The following SCN1B variants were observed in gnomAD, a reference collection of about 807,000 sequenced individuals.
SCN1B encodes sodium voltage-gated channel beta subunit 1, also known as sodium channel regulatory subunit beta-1.
A neutral mutation model predicts 25.7 loss-of-function variants in SCN1B; 11 were observed. The ratio of observed to expected loss-of-function variants is 0.43; its 90% confidence interval spans 0.27 to 0.71. The LOEUF is 0.71. SCN1B is among the 30% of genes least tolerant of loss of function. The probability of loss-of-function intolerance (pLI) is 0.21; values close to 1 mark genes in which losing one functional copy is unlikely to be tolerated. For missense variants in SCN1B, 224 were observed against 291.5 expected (o/e 0.77, Z 1.69); for synonymous variants, 119 against 117.5 (o/e 1.01, Z -0.08).
rs1040023313 is a variant in SCN1B at position 35,033,996 on chromosome 19, G to C, written c.448+257G>C. 6 of 1,551,004 alleles carry C rather than the reference G, an allele frequency of 3.9e-6. 1 individual carries two copies. In the Admixed American group the frequency reaches 1.2e-4, roughly 30 times the overall value. On this transcript the variant is annotated intron_variant, in intron 3 of 5. Transcript: ENST00000262631. ...GGTACAGAACCCAGCTCTGTCACCT[G>C]TGCTGTATGACCTCTGGCAGGTGCC...
intron 4 of SCN1B, 80 bp from the exon 5 acceptor site, chr19:35,039,555 G>A: frequency 7.0e-7 from 1 of 1,429,096 alleles, no homozygotes; most frequent in Non-Finnish European, 9.9e-7. Context: ...CTGGGGTGGA[G>A]ACCGCTACCT....
In SCN1B at chr19:35,033,664, C is replaced by T. The variant is rs1135401736; in HGVS notation, c.373C>T (p.Arg125Cys). ...GGGCGACTACGAGTGCCACGTCTAC[C>T]GCCTGCTCTTCTTCGAAAACTACGA... ...HSGDYECHVY[R>C]LLFFENYEHN... Residue 125 changes from arginine (R) to cysteine (C), a missense_variant, in exon 3 of 6, where the codon CGC becomes TGC. Around this residue, in one of 3 missense-constraint regions of SCN1B, gnomAD observed 126 missense variants for 204.9 expected, o/e 0.61. Transcript: ENST00000262631. The T allele has an allele frequency of 1.9e-6, 3 of 1,614,064 alleles. No individual in the cohort carries two copies. The highest frequency in any genetic ancestry group is 1.7e-5 in the Admixed American group (1 of 60,004).
In SCN1B at chr19:35,033,850, C is replaced by T. The variant is rs758654948; in HGVS notation, c.448+111C>T. 84 of 1,611,426 alleles carry T rather than the reference C, an allele frequency of 5.2e-5. No individual in the cohort carries two copies. Among genetic ancestry groups the T allele is most frequent in the Non-Finnish European group, 6.3e-5 (74 of 1,178,592 alleles). Reference sequence around the variant, plus strand: ...CTGGCTCTGTGCCTGGCCAGCCAACCGCCCACAGCAGCGGGCTGAGGGGGA... The same window carrying T: ...CTGGCTCTGTGCCTGGCCAGCCAACTGCCCACAGCAGCGGGCTGAGGGGGA... On this transcript the variant is annotated intron_variant, in intron 3 of 5. Transcript: ENST00000262631.
At chr19:35,033,358 C>A in intron 2 of SCN1B, 141 bp from the exon 3 acceptor site, 1 of 1,526,832 alleles carries the variant, frequency 6.5e-7, no homozygotes, top group Non-Finnish European at 8.8e-7. Flanking sequence ...CCCCTGTGCC[C>A]TCCCTGCCTG....
chr19:35,032,731 G>A lies in SCN1B; in HGVS notation c.207+37G>A, dbSNP rs372912390. 14 of 1,609,264 alleles carry A rather than the reference G, an allele frequency of 8.7e-6. No homozygotes were observed. In the African/African-American group the frequency reaches 1.1e-4, roughly 12 times the overall value. On this transcript the variant is annotated intron_variant, in intron 2 of 5. Transcript: ENST00000262631. The surrounding 1 kb of genome is among the most constrained non-coding windows in gnomAD (Gnocchi z 4.3). ...CCGGGAACGGGCATGGGAGGGCAGG[G>A]GTCCACGAGTGGGAGGCGGTGGGGC...
intron 2 of SCN1B, 75 bp from the exon 3 acceptor site, chr19:35,033,424 A>G (rs1357156152): frequency 2.5e-6 from 4 of 1,605,994 alleles, no homozygotes; most frequent in Admixed American, 3.4e-5. Context: ...GTGTCAGGGC[A>G]GGGGACAGAA....
Position 35,039,211 on chromosome 19 carries a change from C to T in SCN1B, c.543C>T (p.Cys181=). The change falls in exon 4 of 6, where the codon TGC becomes TGT. Residue 181 remains cysteine, a synonymous_variant. Transcript: ENST00000262631. ...GGCTCGTGGCAGAGATGATTTACTG[C>T]TACAAGAAGATCGCTGCCGCCACGG... is the stretch of plus-strand genomic sequence containing the variant. ...TIWLVAEMIY[C]YKKIAAATET... 6.2e-7 allele frequency: 1 copy of T among 1,614,136 alleles called. No homozygotes were observed. Among genetic ancestry groups the T allele is most frequent in the Non-Finnish European group, 8.5e-7 (1 of 1,180,030 alleles).
In SCN1B at chr19:35,032,376, G is replaced by A; in HGVS notation, c.41-152G>A. Reference sequence around the variant, plus strand: ...ACTGAGACTCAGGGATGAATGACTTGCTGAGGTCACGCAGTGAGTGACAGG... The same window carrying A: ...ACTGAGACTCAGGGATGAATGACTTACTGAGGTCACGCAGTGAGTGACAGG... On this transcript the variant is annotated intron_variant, in intron 1 of 5. Transcript: ENST00000262631. This position sits in a 1 kb window ranked among gnomAD's most constrained non-coding sequence, Gnocchi z 4.3. The A allele has an allele frequency of 1.3e-6, 1 of 791,680 alleles. No homozygotes were observed. Among genetic ancestry groups the A allele is most frequent in the Non-Finnish European group, 2.1e-6 (1 of 485,016 alleles). 49.0% of individuals were successfully genotyped at this position (791,680 alleles called of 1,614,324 possible). A position where few individuals can be genotyped will look rare whatever the true frequency, so the allele number is the denominator to read the frequency against.
At chr19:35,031,788 T>C (rs1484619347) in intron 1 of SCN1B, 1 of 153,416 alleles carries the variant, frequency 6.5e-6, no homozygotes, top group Non-Finnish European at 1.4e-5. Context: ...CAGGTAAGAG[T>C]GTGAAGGAAT....
chr19:35,033,948 G>A, intron 3 of SCN1B: 1 of 1,554,976 alleles, frequency 6.4e-7, no homozygotes, highest in African/African-American at 1.4e-5. Flanking sequence ...GTCAAAGCAT[G>A]CCTGTCCCCC....
At position 35,033,680 on chromosome 19, in the gene SCN1B, A is replaced by C. The variant is rs1458465873; in HGVS notation, c.389A>C (p.Glu130Ala). ...ECHVYRLLFF[E>A]NYEHNTSVVK... ...CACGTCTACCGCCTGCTCTTCTTCG[A>C]AAACTACGAGCACAACACCAGCGTC... is the stretch of plus-strand genomic sequence containing the variant. The change falls in exon 3 of 6, where the codon GAA becomes GCA. Residue 130 changes from glutamate to alanine, a missense_variant. Around this residue, in one of 3 missense-constraint regions of SCN1B, gnomAD observed 126 missense variants for 204.9 expected, o/e 0.61. Coordinates refer to ENST00000262631, the MANE Select transcript of SCN1B (RefSeq NM_001037.5). 6.2e-7 allele frequency: 1 copy of C among 1,614,146 alleles called. No homozygotes were observed. Among genetic ancestry groups the C allele is most frequent in the Non-Finnish European group, 8.5e-7 (1 of 1,180,032 alleles).
intron 3 of SCN1B, chr19:35,035,879 T>C (rs975772772): frequency 2.0e-5 from 3 of 152,034 alleles, no homozygotes; most frequent in Non-Finnish European, 2.9e-5. Context: ...TTTTTGTTTT[T>C]TGTTAAAGAG....
Position 35,039,870 on chromosome 19 carries a change from G to T in SCN1B, c.*79G>T. ...AGGCACCGCCTGCCCCCAGCGTGGG[G>T]GTGGCCACTCCTGGGCCCCAGAAAG... On this transcript the variant is annotated 3_prime_UTR_variant, in exon 6 of 6. Coordinates refer to ENST00000262631, the MANE Select transcript of SCN1B (RefSeq NM_001037.5). 1 of 717,494 alleles carries T rather than the reference G, an allele frequency of 1.4e-6. No individual in the cohort carries two copies. Among genetic ancestry groups the T allele is most frequent in the Non-Finnish European group, 2.3e-6 (1 of 427,272 alleles). The allele number at this position is 717,494 out of a possible 1,614,324, so 44.4% of individuals were successfully genotyped here. A position where few individuals can be genotyped will look rare whatever the true frequency, so the allele number is the denominator to read the frequency against.
At position 35,030,832 on chromosome 19, in the gene SCN1B, G is replaced by A; in HGVS notation, c.12G>A (p.Leu4=). 2.8e-6 allele frequency: 3 copies of A among 1,058,508 alleles called. No homozygotes were observed. Among genetic ancestry groups the A allele is most frequent in the South Asian group, 2.6e-5 (1 of 38,572 alleles). The allele number at this position is 1,058,508 out of a possible 1,614,324, so 65.6% of individuals were successfully genotyped here. ...CGCGCCGCGCAGCCATGGGGAGGCT[G>A]CTGGCCTTAGTGGTCGGCGCGGCAC... is the stretch of plus-strand genomic sequence containing the variant. MGR[L]LALVVGAALV... Residue 4 remains leucine, a synonymous_variant, in exon 1 of 6, where the codon CTG becomes CTA. Transcript: ENST00000262631.
In SCN1B at chr19:35,039,179, A is replaced by G. The variant is rs777285337; in HGVS notation, c.511A>G (p.Thr171Ala). The G allele has an allele frequency of 1.2e-6, 2 of 1,614,178 alleles. No individual in the cohort carries two copies. The highest frequency in any genetic ancestry group is 2.2e-5 in the South Asian group (2 of 91,088). Residue 171 changes from threonine to alanine, a missense_variant, in exon 4 of 6, where the codon ACC (threonine) becomes GCC (alanine). Around this residue, in one of 3 missense-constraint regions of SCN1B, gnomAD observed 126 missense variants for 204.9 expected, o/e 0.61. Coordinates refer to ENST00000262631, the MANE Select transcript of SCN1B (RefSeq NM_001037.5). ...IMMYVLIVVL[T>A]IWLVAEMIYC... is the part of the protein sequence containing the mutation. ...GATGTATGTGCTCATTGTGGTGTTG[A>G]CCATATGGCTCGTGGCAGAGATGAT...
chr19:35,039,890 A>G lies in SCN1B; in HGVS notation c.*99A>G. ...GTGGGGGTGGCCACTCCTGGGCCCC[A>G]GAAAGCCTCAGAGTCCTGCCGACGG... is the stretch of plus-strand genomic sequence containing the variant. On this transcript the variant is annotated 3_prime_UTR_variant, in exon 6 of 6. Transcript: ENST00000262631. The G allele has an allele frequency of 1.6e-6, 1 of 639,794 alleles. No homozygotes were observed. 39.6% of individuals were successfully genotyped at this position (639,794 alleles called of 1,614,324 possible).
rs1315756334 is a variant in SCN1B, at chr19:35,032,969, C to T, written c.207+275C>T. Among the ~76,000 whole-genome samples the T allele has an allele frequency of 2.0e-5, 3 of 152,138 alleles. No individual in the cohort carries two copies. The highest frequency in any genetic ancestry group is 4.4e-5 in the Non-Finnish European group (3 of 68,026). On this transcript the variant is annotated intron_variant, in intron 2 of 5. Coordinates refer to ENST00000262631, the MANE Select transcript of SCN1B (RefSeq NM_001037.5). This position sits in a 1 kb window ranked among gnomAD's most constrained non-coding sequence, Gnocchi z 4.3. ...TGAATGCATTGACGCACCTGGCACACGGTTGGCATGAAATAAATGTCAGTG... is the reference window on the plus strand; with the variant it reads ...TGAATGCATTGACGCACCTGGCACATGGTTGGCATGAAATAAATGTCAGTG...
At chr19:35,039,609 C>G (rs766566438) in intron 4 of SCN1B, 26 bp from the exon 5 acceptor site, 1 of 1,613,518 alleles carries the variant, frequency 6.2e-7, no homozygotes. Context: ...GATGGGGTCA[C>G]TGTATACCTG....
Position 35,040,044 on chromosome 19 carries a change from T to G in SCN1B, c.*253T>G. On this transcript the variant is annotated 3_prime_UTR_variant, in exon 6 of 6. Transcript: ENST00000262631. ...AGCAATACTGCCGCTGCCCCCACCC[T>G]GCTTCTGCTGCCTGTTTGGGGAGGG... 1 of 328,280 alleles carries G rather than the reference T, an allele frequency of 3.0e-6. No individual in the cohort carries two copies. Among genetic ancestry groups the G allele is most frequent in the Non-Finnish European group, 5.9e-6 (1 of 169,030 alleles). 20.3% of individuals were successfully genotyped at this position (328,280 alleles called of 1,614,324 possible). A position where few individuals can be genotyped will look rare whatever the true frequency, so the allele number is the denominator to read the frequency against.
Sources: allele counts gnomAD v4.1 joint callset (sites outside exome capture counted in the v4.1 genomes callset), GRCh38; gene constraint gnomAD v4.1.1; regional missense constraint gnomAD v4.1.1; non-coding constraint Gnocchi (gnomAD v3.1); transcripts MANE v1.5; gene names NCBI Gene and HGNC (gene_info 2026-07-23, HGNC 2026-07-21).